DNER: variants seen among roughly 807,000 people sequenced by gnomAD.
DNER encodes delta and Notch-like epidermal growth factor-related receptor.
A neutral mutation model predicts 78.2 loss-of-function variants in DNER; 33 were observed. The ratio of observed to expected loss-of-function variants is 0.42; its 90% CI spans 0.32 to 0.56. DNER has a LOEUF of 0.56. Among genes scored for constraint, DNER ranks in the 20% least tolerant of loss-of-function variants. The pLI is 0.11. For missense variants in DNER, 918 were observed against 975.3 expected, an observed-to-expected ratio of 0.94 and a Z score of 0.78; for synonymous variants, 417 against 384.8, an observed-to-expected ratio of 1.08 and a Z score of -0.98.
chr2:229,394,332 G>A (rs1323397892), intron 10 of DNER, among the ~76,000 whole-genome samples: 3 of 151,914 alleles, frequency 2.0e-5, no homozygotes, highest in South Asian at 4.1e-4. Flanking sequence ...TGGTGTGGGT[G>A]TGGGGATCCG....
At chr2:229,527,962 C>T (rs1215028912) in intron 5 of DNER, among the ~76,000 whole-genome samples, 1 of 152,176 alleles carries the variant, frequency 6.6e-6, no homozygotes, top group African/African-American at 2.4e-5. Context: ...GCAAAGGGCA[C>T]ATTTCTGTGG....
Position 229,665,609 on chromosome 2 carries a change from G to A in DNER, c.276+48539C>T, listed in dbSNP as rs78573882. On this transcript the variant is annotated intron_variant, in intron 1 of 12. Coordinates refer to ENST00000341772, the MANE Select transcript of DNER (RefSeq NM_139072.4). ...CAAATAGTTTTAAGGCAATATTAGAGCAATAATAAAAAATGCCAAATTGTC... is the reference window on the plus strand; with the variant it reads ...CAAATAGTTTTAAGGCAATATTAGAACAATAATAAAAAATGCCAAATTGTC... 7.2e-5 allele frequency among the ~76,000 whole-genome samples: 11 copies of A among 152,176 alleles called. No homozygotes were observed. In the East Asian group the frequency reaches 2.1e-3, roughly 29 times the overall value.
intron 4 of DNER, among the ~76,000 whole-genome samples, chr2:229,556,522 C>T (rs559922650): frequency 2.6e-5 from 4 of 152,250 alleles, no homozygotes; most frequent in South Asian, 4.1e-4. Flanking sequence ...ATGAGTGATG[C>T]GTTTTATTAT....
intron 1 of DNER, among the ~76,000 whole-genome samples, chr2:229,633,576 A>T (rs1319200259): frequency 4.6e-5 from 7 of 152,270 alleles, no homozygotes; most frequent in Non-Finnish European, 8.8e-5. Flanking sequence ...ATTTTAGCAG[A>T]CAAAAAATTA....
chr2:229,497,300 G>T (rs1025420309), intron 6 of DNER, among the ~76,000 whole-genome samples: 6 of 152,000 alleles, frequency 3.9e-5, no homozygotes, highest in Non-Finnish European at 8.8e-5. Flanking sequence ...TGCAGTTAAA[G>T]CAGTTCTAAG....
intron 7 of DNER, 43 bp downstream of exon 7, chr2:229,477,097 T>C (rs1407095184): frequency 6.7e-7 from 1 of 1,502,122 alleles, no homozygotes; most frequent in African/African-American, 1.4e-5. Context: ...GTTTATGATT[T>C]AAAATGAAAA....
chr2:229,612,318 G>A (rs1427903257), intron 1 of DNER, among the ~76,000 whole-genome samples: 1 of 152,172 alleles, frequency 6.6e-6, no homozygotes, highest in Non-Finnish European at 1.5e-5. Flanking sequence ...TGAGTCCACT[G>A]TTGGGGATCA....
intron 5 of DNER, among the ~76,000 whole-genome samples, chr2:229,541,525 C>G (rs1696513376): frequency 6.6e-6 from 1 of 152,106 alleles, no homozygotes; most frequent in Non-Finnish European, 1.5e-5. Context: ...TATCCTACTG[C>G]TCAAGGTCAT....
intron 11 of DNER, among the ~76,000 whole-genome samples, chr2:229,375,641 C>T (rs963954081): frequency 1.3e-5 from 2 of 152,186 alleles, no homozygotes; most frequent in Non-Finnish European, 2.9e-5. Context: ...ATGAAATGCT[C>T]ATGAAAAGTT....
intron 11 of DNER, among the ~76,000 whole-genome samples, chr2:229,381,248 CTA>C (rs1055568467): frequency 2.0e-5 from 3 of 152,170 alleles, no homozygotes; most frequent in African/African-American, 7.2e-5. Context: ...AGCCTAGATA[CTA>C]TACTTTTCCC....
chr2:229,670,957 T>C (rs1387976390), intron 1 of DNER, among the ~76,000 whole-genome samples: 1 of 152,098 alleles, frequency 6.6e-6, no homozygotes, highest in African/African-American at 2.4e-5. Flanking sequence ...CCTGGAAAAA[T>C]GTGTGAAATG....
intron 1 of DNER, among the ~76,000 whole-genome samples, chr2:229,606,720 C>A (rs529600147): frequency 6.6e-6 from 1 of 152,222 alleles, no homozygotes; most frequent in Admixed American, 6.5e-5. Context: ...TGGTGAAACC[C>A]TGTCTCGATT....
chr2:229,518,838 G>A (rs765421408), intron 5 of DNER, among the ~76,000 whole-genome samples: 3 of 151,866 alleles, frequency 2.0e-5, no homozygotes, highest in Admixed American at 1.3e-4. Context: ...ATATCACTTC[G>A]TGCACCATTT....
At chr2:229,493,170 G>A (rs536853423) in intron 6 of DNER, among the ~76,000 whole-genome samples, 13 of 152,126 alleles carry the variant, frequency 8.5e-5, no homozygotes, top group African/African-American at 3.1e-4. Context: ...GGGAACACGC[G>A]CAACAACATT....
chr2:229,678,188 G>T (rs1699327237), intron 1 of DNER, among the ~76,000 whole-genome samples: 1 of 152,150 alleles, frequency 6.6e-6, no homozygotes. Flanking sequence ...AGTACACAGT[G>T]GCAGCCACTT....
chr2:229,417,649 T>C (rs1693680608), intron 9 of DNER, among the ~76,000 whole-genome samples: 1 of 151,778 alleles, frequency 6.6e-6, no homozygotes. Context: ...AAACACTCTG[T>C]CAATGTCGCC....
At chr2:229,474,225 T>C (rs1247198067) in intron 7 of DNER, among the ~76,000 whole-genome samples, 1 of 152,098 alleles carries the variant, frequency 6.6e-6, no homozygotes, top group Non-Finnish European at 1.5e-5. Flanking sequence ...CTTTTTAAAG[T>C]GCAAAGTGTT....
At chr2:229,571,282 G>A (rs894276471) in intron 4 of DNER, among the ~76,000 whole-genome samples, 3 of 152,052 alleles carry the variant, frequency 2.0e-5, no homozygotes, top group African/African-American at 7.3e-5. Context: ...ATCAGAAGAG[G>A]GAAGCCACAC....
chr2:229,625,395 A>T (rs1698320620), intron 1 of DNER, among the ~76,000 whole-genome samples: 1 of 152,052 alleles, frequency 6.6e-6, no homozygotes, highest in African/African-American at 2.4e-5. Flanking sequence ...ATCCTTACCA[A>T]CATCTACTGA....
Sources: gnomAD v4.1 joint callset for allele counts (sites outside exome capture counted in the v4.1 genomes callset) on GRCh38, gnomAD v4.1.1 for gene constraint, MANE v1.5 for transcripts, NCBI Gene and HGNC (gene_info 2026-07-23, HGNC 2026-07-21) for gene names.